PTGIS: variants seen among roughly 807,000 people sequenced by gnomAD.
The protein encoded by PTGIS is prostacyclin synthase.
In PTGIS, 45 loss-of-function variants were observed where a neutral mutation model predicts 50.3. The observed-to-expected ratio is 0.90, with a 90% CI of 0.70 to 1.15. The LOEUF is 1.15. Among genes scored for constraint, PTGIS ranks in the 50% most tolerant of loss-of-function variants. The probability of loss-of-function intolerance (pLI) is 0.00; values close to 1 mark genes in which losing one functional copy is unlikely to be tolerated. For missense variants in PTGIS, 668 were observed against 661.3 expected (o/e 1.01, Z -0.11); for synonymous variants, 260 against 267.7 (o/e 0.97, Z 0.28).
chr20:49,525,041 T>C (rs56381292), intron 5 of PTGIS, among the ~76,000 whole-genome samples: 3,334 of 152,294 alleles, frequency 0.022, 124 homozygotes, highest in African/African-American at 0.075. Context: ...CCCATGTGCA[T>C]GAGGAGGAGG....
In PTGIS at chr20:49,547,999, A is replaced by G; in HGVS notation, c.219T>C (p.Tyr73=). 6 of 1,614,040 alleles carry G rather than the reference A, an allele frequency of 3.7e-6. No homozygotes were observed. The highest frequency in any genetic ancestry group is 5.1e-6 in the Non-Finnish European group (6 of 1,179,986). The change falls in exon 3 of 10, where the codon TAT becomes TAC. Residue 73 remains tyrosine (Y), a synonymous_variant. Coordinates refer to ENST00000244043, the MANE Select transcript of PTGIS (RefSeq NM_000961.4). ...DIFTILVGGR[Y]VTVLLDPHSY... Reference sequence around the variant, plus strand: ...AGTGTGGGTCCAGGAGAACGGTGACATACCTGCCCCCAACCAGTATCTGTG... The same window carrying G: ...AGTGTGGGTCCAGGAGAACGGTGACGTACCTGCCCCCAACCAGTATCTGTG...
intron 6 of PTGIS, among the ~76,000 whole-genome samples, chr20:49,516,203 G>C (rs1981470935): frequency 6.6e-6 from 1 of 152,176 alleles, no homozygotes; most frequent in East Asian, 1.9e-4. Flanking sequence ...CCTTGGGACA[G>C]AAGCTGGGAA....
chr20:49,557,977 G>C (rs779741192), intron 1 of PTGIS, among the ~76,000 whole-genome samples: 7 of 152,132 alleles, frequency 4.6e-5, no homozygotes, highest in Non-Finnish European at 7.4e-5. Context: ...TACTGGGCAT[G>C]TCCTTAACCT....
chr20:49,560,222 G>A (rs899388406), intron 1 of PTGIS, among the ~76,000 whole-genome samples: 5 of 145,584 alleles, frequency 3.4e-5, no homozygotes, highest in South Asian at 2.2e-4. Context: ...ATGCCCGGCC[G>A]AATTATACAC....
chr20:49,566,364 A>G (rs1431222464), intron 1 of PTGIS, among the ~76,000 whole-genome samples: 1 of 152,252 alleles, frequency 6.6e-6, no homozygotes, highest in Non-Finnish European at 1.5e-5. Flanking sequence ...AGATGTCAAA[A>G]CTAAAATCTG....
intron 1 of PTGIS, 34 bp downstream of exon 1, chr20:49,568,009 T>C (rs1982949756): frequency 1.4e-6 from 2 of 1,465,184 alleles, no homozygotes; most frequent in Non-Finnish European, 1.8e-6. Flanking sequence ...CCGCCCCCTT[T>C]GTCTGGCGGG....
rs189504845 is a variant in PTGIS at position 49,519,401 on chromosome 20, C to T, written c.855+4657G>A. On this transcript the variant is annotated intron_variant, in intron 6 of 9. Transcript: ENST00000244043. ...ATTATTATTCCTGACTCATCATCTC[C>T]GACCTGACAGCAGCAATCACAGCTA... Among the ~76,000 whole-genome samples the T allele has an allele frequency of 1.4e-3, 209 of 152,152 alleles. 2 individuals carry two copies. Among genetic ancestry groups the T allele is most frequent in the Middle Eastern group, 0.014 (4 of 294 alleles).
chr20:49,524,278 C>T, intron 5 of PTGIS, 39 bp from the exon 6 acceptor site: 1 of 1,605,622 alleles, frequency 6.2e-7, no homozygotes, highest in Non-Finnish European at 8.5e-7. Context: ...GTTACAGATT[C>T]ACCATCCCAC....
chr20:49,562,836 G>A (rs906796822), intron 1 of PTGIS, among the ~76,000 whole-genome samples: 1 of 152,206 alleles, frequency 6.6e-6, no homozygotes, highest in Non-Finnish European at 1.5e-5. Flanking sequence ...TCAAGGATGG[G>A]ATGTCACCCG....
rs182204601 is a variant in PTGIS at position 49,547,968 on chromosome 20, C to A, written c.250G>T (p.Asp84Tyr). The A allele has an allele frequency of 1.2e-6, 2 of 1,614,104 alleles. No homozygotes were observed. The highest frequency in any genetic ancestry group is 3.3e-5 in the Admixed American group (2 of 60,008). The change falls in exon 3 of 10, where the codon GAC (aspartate) becomes TAC (tyrosine). Residue 84 changes from aspartate (D) to tyrosine (Y), a missense_variant. Transcript: ENST00000244043. ...GTGCGAGGCTCCCACACCACCGCGTCGTAGGAGTGTGGGTCCAGGAGAACG... is the reference window on the plus strand; with the variant it reads ...GTGCGAGGCTCCCACACCACCGCGTAGTAGGAGTGTGGGTCCAGGAGAACG... ...VTVLLDPHSY[D>Y]AVVWEPRTRL...
At chr20:49,550,865 C>A (rs189348725) in intron 1 of PTGIS, among the ~76,000 whole-genome samples, 1 of 152,330 alleles carries the variant, frequency 6.6e-6, no homozygotes, top group East Asian at 1.9e-4. Context: ...CAACTCACTT[C>A]CAACAAGGAA....
intron 9 of PTGIS, among the ~76,000 whole-genome samples, chr20:49,508,870 G>A (rs1445136890): frequency 1.3e-5 from 2 of 152,170 alleles, no homozygotes; most frequent in Non-Finnish European, 2.9e-5. Context: ...GATGTCAACG[G>A]TTGCTGCCTC....
chr20:49,548,821 C>T (rs543101787), intron 2 of PTGIS, among the ~76,000 whole-genome samples: 4 of 151,950 alleles, frequency 2.6e-5, no homozygotes. Context: ...AAGGATAGAT[C>T]AATGAATCTA....
chr20:49,539,544 C>A, intron 5 of PTGIS, 26 bp downstream of exon 5: 1 of 1,610,284 alleles, frequency 6.2e-7, no homozygotes, highest in Non-Finnish European at 8.5e-7. Flanking sequence ...CTCCCCCCCA[C>A]CCACTGGGGC....
chr20:49,537,625 C>T (rs1007006128), intron 5 of PTGIS, among the ~76,000 whole-genome samples: 2 of 152,060 alleles, frequency 1.3e-5, no homozygotes, highest in Admixed American at 6.6e-5. Context: ...CGTGGTGGTG[C>T]GTGCCTGTAA....
Position 49,540,347 on chromosome 20 carries a change from C to T in PTGIS, c.522-626G>A, listed in dbSNP as rs1982192819. Among the ~76,000 whole-genome samples the T allele has an allele frequency of 6.6e-6, 1 of 152,104 alleles. No homozygotes were observed. Among genetic ancestry groups the T allele is most frequent in the South Asian group, 2.1e-4 (1 of 4,826 alleles). On this transcript the variant is annotated intron_variant, in intron 4 of 9. Transcript: ENST00000244043. The surrounding 1 kb of genome is among the most constrained non-coding windows in gnomAD (Gnocchi z 4.8). Reference sequence around the variant, plus strand: ...AGATCTGCAGGATGATCGGGGGAAGCAGAAGAGGAACGTGTTCAGGCAACA... The same window carrying T: ...AGATCTGCAGGATGATCGGGGGAAGTAGAAGAGGAACGTGTTCAGGCAACA...
At chr20:49,510,680 C>T (rs1981291720) in intron 9 of PTGIS, among the ~76,000 whole-genome samples, 1 of 152,120 alleles carries the variant, frequency 6.6e-6, no homozygotes, top group Non-Finnish European at 1.5e-5. Flanking sequence ...TCGGCCAGTT[C>T]CTAACATGAA....
intron 1 of PTGIS, among the ~76,000 whole-genome samples, chr20:49,552,784 T>G (rs182739216): frequency 2.8e-4 from 43 of 152,262 alleles, no homozygotes; most frequent in African/African-American, 1.0e-3. Flanking sequence ...TTGTTTTATA[T>G]CAGCTTTCCT....
chr20:49,533,776 A>G (rs1219203766), intron 5 of PTGIS, among the ~76,000 whole-genome samples: 1 of 152,054 alleles, frequency 6.6e-6, no homozygotes, highest in African/African-American at 2.4e-5. Flanking sequence ...GGCCAATGTG[A>G]TGAAACCCCA....
Sources: gnomAD v4.1 joint callset for allele counts (sites outside exome capture counted in the v4.1 genomes callset) on GRCh38, gnomAD v4.1.1 for gene constraint, Gnocchi (gnomAD v3.1) non-coding constraint, MANE v1.5 for transcripts, NCBI Gene and HGNC (gene_info 2026-07-23, HGNC 2026-07-21) for gene names.